EBF1: variants seen among roughly 807,000 people sequenced by gnomAD.
The protein encoded by EBF1 is EBF transcription factor 1.
Under a neutral mutation model 68.4 loss-of-function variants are expected in EBF1, and 10 were observed. The ratio of observed to expected loss-of-function variants is 0.15; its 90% CI spans 0.09 to 0.25. The LOEUF is 0.25. Ranked by LOEUF, EBF1 falls within the 10% of genes least tolerant of loss-of-function variation. EBF1 has a pLI of 1.00. For synonymous variants in EBF1, 298 were observed against 299.8 expected, an observed-to-expected ratio of 0.99 and a Z score of 0.06; for missense variants, 509 against 794.4, an observed-to-expected ratio of 0.64 and a Z score of 4.32.
intron 6 of EBF1, among the ~76,000 whole-genome samples, chr5:158,998,150 T>G (rs1321364113): frequency 6.6e-6 from 1 of 152,162 alleles, no homozygotes; most frequent in African/African-American, 2.4e-5. Context: ...ATACTCTATC[T>G]TATTAAATTT....
At position 158,731,156 on chromosome 5, in the gene EBF1, C is replaced by T. The variant is rs1581404649; in HGVS notation, c.1038G>A (p.Ala346=). The T allele has an allele frequency of 3.1e-6, 5 of 1,613,544 alleles. 1 individual carries two copies. In the Middle Eastern group the frequency reaches 4.9e-4, roughly 159 times the overall value. ...CATAATCGATGGTGGGTTCGTTGAGCGCTGCAATAAAGAAGTCACACAATT... is the reference window on the plus strand; with the variant it reads ...CATAATCGATGGTGGGTTCGTTGAGTGCTGCAATAAAGAAGTCACACAATT... ...KGTPGRFIYT[A]LNEPTIDYGF... Residue 346 remains alanine (A), a splice_region_variant and synonymous_variant, in exon 11 of 16, where the codon GCG becomes GCA. Coordinates refer to ENST00000313708, the MANE Select transcript of EBF1 (RefSeq NM_024007.5).
At chr5:158,830,472 T>G (rs1279810867) in intron 7 of EBF1, among the ~76,000 whole-genome samples, 3 of 152,204 alleles carry the variant, frequency 2.0e-5, no homozygotes, top group Non-Finnish European at 4.4e-5. Context: ...TGTTTCACCA[T>G]GTTGGCTAGG....
At chr5:158,796,200 T>C in intron 9 of EBF1, 145 bp downstream of exon 9, 1 of 877,096 alleles carries the variant, frequency 1.1e-6, no homozygotes, top group East Asian at 3.1e-5. Flanking sequence ...AACCAACTCT[T>C]CTAGTTTCCC....
chr5:159,039,742 A>C (rs981934197), intron 6 of EBF1, among the ~76,000 whole-genome samples: 19 of 152,360 alleles, frequency 1.2e-4, no homozygotes, highest in African/African-American at 4.6e-4. Context: ...GGGAAGAGCT[A>C]AAAATGTCCC....
chr5:158,808,586 TCA>T (rs1782017007), intron 8 of EBF1, among the ~76,000 whole-genome samples: 1 of 152,138 alleles, frequency 6.6e-6, no homozygotes, highest in Non-Finnish European at 1.5e-5. Flanking sequence ...TTTGAAATCC[TCA>T]GTTTCTACCA....
chr5:158,998,217 T>A (rs1320499061), intron 6 of EBF1, among the ~76,000 whole-genome samples: 1 of 152,172 alleles, frequency 6.6e-6, no homozygotes, highest in Non-Finnish European at 1.5e-5. Flanking sequence ...TTTTCTGTAT[T>A]TGTTTTCCAG....
chr5:158,878,644 C>CTTTTTTTT (rs11445047), intron 6 of EBF1, among the ~76,000 whole-genome samples: 1 of 140,580 alleles, frequency 7.1e-6, no homozygotes. Flanking sequence ...TCTAGCCAGC[C>CTTTTTTTT]TTTTTTTTTT....
At chr5:158,874,784 A>T (rs1008978068) in intron 6 of EBF1, among the ~76,000 whole-genome samples, 3 of 151,732 alleles carry the variant, frequency 2.0e-5, no homozygotes, top group South Asian at 4.2e-4. Flanking sequence ...GGAGAGGAGG[A>T]AAAAAAAGGC....
At chr5:158,758,345 T>A (rs1770610644) in intron 10 of EBF1, among the ~76,000 whole-genome samples, 1 of 152,104 alleles carries the variant, frequency 6.6e-6, no homozygotes, top group South Asian at 2.1e-4. Context: ...TGTCTCAAAT[T>A]AAAAAGAAGC....
At chr5:158,827,723 C>T (rs1786500865) in intron 7 of EBF1, among the ~76,000 whole-genome samples, 1 of 152,118 alleles carries the variant, frequency 6.6e-6, no homozygotes, top group South Asian at 2.1e-4. Context: ...CAGCTAAATT[C>T]AATCATGAGT....
At chr5:158,725,110 G>A (rs1249070088) in intron 11 of EBF1, among the ~76,000 whole-genome samples, 11 of 152,096 alleles carry the variant, frequency 7.2e-5, no homozygotes, top group African/African-American at 2.7e-4. Flanking sequence ...TGAGATTTTC[G>A]AATGCCAGTG....
At chr5:158,771,874 G>A (rs1379242147) in intron 10 of EBF1, among the ~76,000 whole-genome samples, 2 of 152,166 alleles carry the variant, frequency 1.3e-5, no homozygotes, top group Non-Finnish European at 2.9e-5. Context: ...GGGATACGAT[G>A]CAAGCCTCAT....
intron 4 of EBF1, among the ~76,000 whole-genome samples, chr5:159,093,987 C>T (rs1715075947): frequency 6.9e-6 from 1 of 145,870 alleles, no homozygotes; most frequent in Non-Finnish European, 1.5e-5. Context: ...TACTTTCCCC[C>T]TCTCCCTCCC....
intron 6 of EBF1, among the ~76,000 whole-genome samples, chr5:158,847,743 G>A (rs577915125): frequency 6.6e-5 from 10 of 152,312 alleles, no homozygotes; most frequent in Non-Finnish European, 8.8e-5. Context: ...CCAAGTGTCC[G>A]TCTGTCCTTC....
At chr5:158,774,997 A>AG (rs1477887394) in intron 10 of EBF1, among the ~76,000 whole-genome samples, 46 of 151,996 alleles carry the variant, frequency 3.0e-4, no homozygotes, top group African/African-American at 1.1e-3. Flanking sequence ...AAAAAAAAAA[A>AG]AAGGCTTCTT....
At chr5:159,013,643 T>A (rs1765097988) in intron 6 of EBF1, among the ~76,000 whole-genome samples, 1 of 152,160 alleles carries the variant, frequency 6.6e-6, no homozygotes, top group Non-Finnish European at 1.5e-5. Context: ...ACTGGAGCCC[T>A]GTGGTGGTGC....
chr5:158,848,484 G>A (rs1355064661), intron 6 of EBF1, among the ~76,000 whole-genome samples: 6 of 152,244 alleles, frequency 3.9e-5, no homozygotes, highest in Non-Finnish European at 8.8e-5. Context: ...TCCCTCAAAT[G>A]CATTTTAACC....
intron 7 of EBF1, among the ~76,000 whole-genome samples, chr5:158,826,654 T>C (rs1382003476): frequency 6.6e-6 from 1 of 152,218 alleles, no homozygotes; most frequent in East Asian, 1.9e-4. Flanking sequence ...TGCTTCTTAA[T>C]GTGGCAATCT....
At chr5:158,945,755 C>T (rs191958105) in intron 6 of EBF1, among the ~76,000 whole-genome samples, 14 of 152,282 alleles carry the variant, frequency 9.2e-5, no homozygotes, top group Non-Finnish European at 1.6e-4. Flanking sequence ...TGGATGATAT[C>T]CTGTATGATA....
Sources: gnomAD v4.1 joint callset for allele counts (sites outside exome capture counted in the v4.1 genomes callset) on GRCh38, gnomAD v4.1.1 for gene constraint, MANE v1.5 for transcripts, NCBI Gene and HGNC (gene_info 2026-07-23, HGNC 2026-07-21) for gene names.